Variants in TRPM1 observed in about 807,000 individuals in gnomAD.
TRPM1 encodes the protein transient receptor potential cation channel subfamily M member 1.
A neutral mutation model predicts 149.4 loss-of-function variants in TRPM1; 113 were observed. That is an observed-to-expected ratio of 0.76 (90% CI 0.65 to 0.88). The LOEUF is 0.88. TRPM1 is among the 40% of genes least tolerant of loss of function. The pLI is 0.00. For synonymous variants in TRPM1, 741 were observed against 759.5 expected (o/e 0.98, Z 0.40); for missense variants, 1,976 against 2,038.7 (o/e 0.97, Z 0.59).
intron 27 of TRPM1, among the ~76,000 whole-genome samples, chr15:31,009,817 A>C (rs2032118906): frequency 6.6e-6 from 1 of 152,102 alleles, no homozygotes; most frequent in South Asian, 2.1e-4. Context: ...CTGTTTTGCT[A>C]TTGAGCCTAT....
chr15:31,047,294 G>T, intron 14 of TRPM1, 43 bp from the exon 15 acceptor site: 2 of 1,613,148 alleles, frequency 1.2e-6, no homozygotes, highest in Non-Finnish European at 1.7e-6. Context: ...GAATGCGTTC[G>T]CAGTGTGGAC....
intron 1 of TRPM1, among the ~76,000 whole-genome samples, chr15:31,119,657 TAAC>T (rs139954162): frequency 0.13 from 20,131 of 152,130 alleles, 1,718 homozygotes; most frequent in Non-Finnish European, 0.18. Context: ...ACAAAAATAA[TAAC>T]AACAATGTAT....
At chr15:31,033,397 T>G (rs997942109) in intron 21 of TRPM1, among the ~76,000 whole-genome samples, 1 of 152,194 alleles carries the variant, frequency 6.6e-6, no homozygotes, top group African/African-American at 2.4e-5. Flanking sequence ...AACTTAGACA[T>G]GAGAAATTAG....
At chr15:31,044,294 C>T (rs2033702859) in intron 16 of TRPM1, among the ~76,000 whole-genome samples, 1 of 152,184 alleles carries the variant, frequency 6.6e-6, no homozygotes, top group South Asian at 2.1e-4. Context: ...ATTTTCCTTT[C>T]AAACTGAGTT....
chr15:31,029,936 G>A (rs2032990198), intron 23 of TRPM1, among the ~76,000 whole-genome samples: 1 of 151,978 alleles, frequency 6.6e-6, no homozygotes, highest in African/African-American at 2.4e-5. Context: ...GTTTATGCCT[G>A]GAATTCAGGA....
intron 1 of TRPM1, among the ~76,000 whole-genome samples, chr15:31,096,413 G>A (rs1345814581): frequency 6.6e-6 from 1 of 152,204 alleles, no homozygotes; most frequent in African/African-American, 2.4e-5. Flanking sequence ...TCGGATCCAT[G>A]TGTGTCCCCA....
intron 24 of TRPM1, among the ~76,000 whole-genome samples, chr15:31,028,706 C>A (rs2140904649): frequency 6.6e-6 from 1 of 151,602 alleles, no homozygotes; most frequent in Non-Finnish European, 1.5e-5. Flanking sequence ...GAGCCGAGAT[C>A]GAGCCACTGT....
At chr15:31,113,504 G>C (rs748418039) in intron 1 of TRPM1, among the ~76,000 whole-genome samples, 8 of 152,054 alleles carry the variant, frequency 5.3e-5, no homozygotes, top group Middle Eastern at 3.4e-3. Context: ...GACAGTGACT[G>C]AGAATTTTCC....
In TRPM1 at chr15:31,049,627, A is replaced by G. The variant is rs1392652982; in HGVS notation, c.1438-118T>C. On this transcript the variant is annotated intron_variant, in intron 12 of 27. Transcript: ENST00000256552. ...ACGCCAGATTCCAGAGCACTCCAGCATGGTACTCTTTGCTCTTTATCTTGG... is the reference window on the plus strand; with the variant it reads ...ACGCCAGATTCCAGAGCACTCCAGCGTGGTACTCTTTGCTCTTTATCTTGG... The G allele has an allele frequency of 8.6e-6, 10 of 1,158,532 alleles. No homozygotes were observed. In the South Asian group the frequency reaches 1.1e-4, roughly 13 times the overall value. 71.8% of individuals were successfully genotyped at this position (1,158,532 alleles called of 1,614,324 possible). A position where few individuals can be genotyped will look rare whatever the true frequency, so the allele number is the denominator to read the frequency against.
intron 1 of TRPM1, among the ~76,000 whole-genome samples, chr15:31,089,874 G>A (rs562843691): frequency 6.6e-6 from 1 of 152,296 alleles, no homozygotes; most frequent in Non-Finnish European, 1.5e-5. Context: ...GCCATGTGGC[G>A]CACAGGGAAC....
intron 22 of TRPM1, 128 bp from the exon 23 acceptor site, chr15:31,031,285 CCT>C: frequency 9.9e-7 from 1 of 1,012,884 alleles, no homozygotes; most frequent in Non-Finnish European, 1.5e-6. Context: ...AGCCTCTTTC[CCT>C]TCCTTTCTTC....
chr15:31,047,972 G>A (rs997027700), intron 13 of TRPM1, 33 bp from the exon 14 acceptor site: 1 of 1,606,280 alleles, frequency 6.2e-7, no homozygotes, highest in African/African-American at 1.3e-5. Context: ...TGTTAAATAT[G>A]TTTTTCTTGG....
At chr15:31,055,206 CT>C (rs1177915709) in intron 11 of TRPM1, among the ~76,000 whole-genome samples, 3 of 152,214 alleles carry the variant, frequency 2.0e-5, no homozygotes, top group Non-Finnish European at 4.4e-5. Context: ...TTATATCCCA[CT>C]GTAGGGAGAC....
At chr15:31,103,972 C>T (rs1364264752), upstream of TRPM1, among the ~76,000 whole-genome samples, 1 of 152,156 alleles carries the variant, frequency 6.6e-6, no homozygotes, top group Non-Finnish European at 1.5e-5. Context: ...AGACTGTCCA[C>T]TCTCCAGAGG....
chr15:31,143,274 A>G (rs1267036779), intron 1 of TRPM1, among the ~76,000 whole-genome samples: 1 of 152,258 alleles, frequency 6.6e-6, no homozygotes, highest in Non-Finnish European at 1.5e-5. Flanking sequence ...CTGAGATCAA[A>G]CAGAGCAAGA....
Position 31,046,213 on chromosome 15 carries a change from C to G in TRPM1, c.1785G>C (p.Leu595=). 6.2e-7 allele frequency: 1 copy of G among 1,611,054 alleles called. No homozygotes were observed. Among genetic ancestry groups the G allele is most frequent in the Non-Finnish European group, 8.5e-7 (1 of 1,179,782 alleles). ...GPKRPKALKL[L]GMEDDEPPAK... The stretch of plus-strand genomic sequence containing the variant: ...AACAAGTTCTACTTACTTCCATTCC[C>G]AGAAGTTTAAGAGCTTTAGGCTGCA... The change falls in exon 16 of 28, where the codon CTG becomes CTC. Residue 595 remains leucine (L), a synonymous_variant. Coordinates refer to ENST00000256552, the MANE Select transcript of TRPM1 (RefSeq NM_001252024.2).
chr15:31,059,941 ACTC>A (rs1026443596), intron 11 of TRPM1, among the ~76,000 whole-genome samples: 3 of 151,676 alleles, frequency 2.0e-5, no homozygotes, highest in African/African-American at 2.4e-5. Flanking sequence ...ACACATTAGT[ACTC>A]CTCAACACTC....
intron 7 of TRPM1, among the ~76,000 whole-genome samples, chr15:31,064,726 T>C (rs575146295): frequency 2.0e-5 from 3 of 152,302 alleles, no homozygotes; most frequent in African/African-American, 7.2e-5. Flanking sequence ...AGTTTCTAAT[T>C]TGCTTCCATG....
At chr15:31,033,077 C>T in intron 21 of TRPM1, 137 bp from the exon 22 acceptor site, 1 of 1,184,688 alleles carries the variant, frequency 8.4e-7, no homozygotes, top group Non-Finnish European at 1.2e-6. Context: ...AAACACTCTT[C>T]TTCTCAGGCA....
Sources: gnomAD v4.1 joint callset for allele counts (sites outside exome capture counted in the v4.1 genomes callset) on GRCh38, gnomAD v4.1.1 for gene constraint, MANE v1.5 for transcripts, NCBI Gene and HGNC (gene_info 2026-07-23, HGNC 2026-07-21) for gene names.